Variants in IGHMBP2 observed in about 807,000 individuals in gnomAD.
IGHMBP2 encodes the protein DNA-binding protein SMUBP-2.
Under a neutral mutation model 96.0 loss-of-function variants are expected in IGHMBP2, and 81 were observed. That is an observed-to-expected ratio of 0.84 (90% CI 0.71 to 1.01). The LOEUF is 1.01. Ranked by LOEUF, IGHMBP2 falls within the 50% of genes least tolerant of loss-of-function variation. IGHMBP2 has a pLI of 0.00. For synonymous variants in IGHMBP2, 557 were observed against 548.9 expected (o/e 1.01, Z -0.21); for missense variants, 1,227 against 1,306.3 (o/e 0.94, Z 0.94).
At chr11:68,920,907 G>A (rs577488551) in intron 7 of IGHMBP2, among the ~76,000 whole-genome samples, 2 of 152,218 alleles carry the variant, frequency 1.3e-5, no homozygotes, top group African/African-American at 4.8e-5. Flanking sequence ...TCAGCTTCCC[G>A]AGTAGCTAGT....
chr11:68,917,890 G>C lies in IGHMBP2; in HGVS notation c.1060+7G>C. The C allele has an allele frequency of 1.9e-6, 3 of 1,613,744 alleles. No individual in the cohort carries two copies. The highest frequency in any genetic ancestry group is 2.5e-6 in the Non-Finnish European group (3 of 1,179,858). ...GTCCTTGCAACAAACACAGGTGAGGGGGCGTCTCCATCCTGCCTGTGTGGC... is the reference window on the plus strand; with the variant it reads ...GTCCTTGCAACAAACACAGGTGAGGCGGCGTCTCCATCCTGCCTGTGTGGC... On this transcript the variant is annotated splice_region_variant and intron_variant, in intron 7 of 14. Coordinates refer to ENST00000255078, the MANE Select transcript of IGHMBP2 (RefSeq NM_002180.3).
At chr11:68,925,746 A>AAG (rs1859041428) in intron 7 of IGHMBP2, among the ~76,000 whole-genome samples, 1 of 152,180 alleles carries the variant, frequency 6.6e-6, no homozygotes, top group Admixed American at 6.5e-5. Context: ...CTTGGTTGAC[A>AAG]GTCTTTCAGC....
chr11:68,905,066 G>C (rs1175527094), intron 1 of IGHMBP2, among the ~76,000 whole-genome samples: 1 of 152,306 alleles, frequency 6.6e-6, no homozygotes, highest in African/African-American at 2.4e-5. Flanking sequence ...AAAGTGTTGG[G>C]ATTACAGGCG....
At chr11:68,930,264 A>T (rs1859235128) in intron 8 of IGHMBP2, 1 of 1,282,418 alleles carries the variant, frequency 7.8e-7, no homozygotes, top group Admixed American at 2.3e-5. Context: ...GGGAAGATTG[A>T]TTTCTTCAGA....
intron 5 of IGHMBP2, among the ~76,000 whole-genome samples, chr11:68,913,823 G>T (rs1858541477): frequency 6.6e-6 from 1 of 152,168 alleles, no homozygotes; most frequent in Non-Finnish European, 1.5e-5. Context: ...GGGAGGCTGA[G>T]CCAGGAAGAT....
rs549052989 is a variant in IGHMBP2, at chr11:68,932,126, T to C, written c.1236-1173T>C. Among the ~76,000 whole-genome samples, 7 of 144,596 alleles carry C rather than the reference T, an allele frequency of 4.8e-5. No individual in the cohort carries two copies. In the East Asian group the frequency reaches 6.2e-4, roughly 13 times the overall value. The allele number at this position is 144,596 out of a possible 152,430, so 94.9% of individuals were successfully genotyped here. ...AGTAGGATGGTTTCGGGGGAAGACG[T>C]TGGGTGGCATTCCCTGGAGAGAGTA... On this transcript the variant is annotated intron_variant, in intron 8 of 14. Transcript: ENST00000255078.
At chr11:68,907,285 C>G (rs187953685) in intron 2 of IGHMBP2, among the ~76,000 whole-genome samples, 15 of 152,230 alleles carry the variant, frequency 9.9e-5, no homozygotes, top group African/African-American at 3.6e-4. Context: ...AAAAGAAAAA[C>G]TACATGTGAC....
chr11:68,921,891 G>A (rs1472722571), intron 7 of IGHMBP2, among the ~76,000 whole-genome samples: 2 of 152,172 alleles, frequency 1.3e-5, no homozygotes, highest in Non-Finnish European at 2.9e-5. Flanking sequence ...TTTTTGCTGC[G>A]TGAGAATTCT....
chr11:68,935,493 G>A, intron 12 of IGHMBP2, 71 bp downstream of exon 12: 2 of 1,576,288 alleles, frequency 1.3e-6, no homozygotes, highest in Non-Finnish European at 1.7e-6. Context: ...GGCATATTGG[G>A]TGTCTGCTGG....
In IGHMBP2 at chr11:68,933,326, C is replaced by T. The variant is rs749343954; in HGVS notation, c.1263C>T (p.Ser421=). The change falls in exon 9 of 15, where the codon AGC becomes AGT. Residue 421 remains serine, a synonymous_variant. Transcript: ENST00000255078. ...HKAALAGLSL[S]LMERLAEEYG... is the part of the protein sequence containing the mutation. Reference sequence around the variant, plus strand: ...CTGCGCTGGCAGGACTGTCACTCAGCCTGATGGAACGCCTGGCTGAGGAGT... The same window carrying T: ...CTGCGCTGGCAGGACTGTCACTCAGTCTGATGGAACGCCTGGCTGAGGAGT... The T allele has an allele frequency of 1.9e-6, 3 of 1,612,724 alleles. No individual in the cohort carries two copies. The highest frequency in any genetic ancestry group is 2.5e-6 in the Non-Finnish European group (3 of 1,179,852).
chr11:68,922,755 T>G (rs369995027), intron 7 of IGHMBP2, among the ~76,000 whole-genome samples: 1 of 152,330 alleles, frequency 6.6e-6, no homozygotes, highest in African/African-American at 2.4e-5. Flanking sequence ...AATGTTTAAG[T>G]GTACTATATA....
chr11:68,904,170 C>T, intron 1 of IGHMBP2, 132 bp downstream of exon 1: 1 of 763,838 alleles, frequency 1.3e-6, no homozygotes, highest in South Asian at 1.5e-5. Context: ...GGGCAGGGAT[C>T]GTCCGTCCCC....
chr11:68,935,745 C>T (rs1233917979), intron 12 of IGHMBP2, among the ~76,000 whole-genome samples: 2 of 152,184 alleles, frequency 1.3e-5, no homozygotes, highest in Non-Finnish European at 2.9e-5. Context: ...ATGCACGGAG[C>T]CGCGGGGTGT....
At chr11:68,938,042 A>C in intron 13 of IGHMBP2, 140 bp from the exon 14 acceptor site, 1 of 876,484 alleles carries the variant, frequency 1.1e-6, no homozygotes, top group East Asian at 2.4e-5. Flanking sequence ...GGCCGCAAGC[A>C]GTCCTCCTAC....
Position 68,908,155 on chromosome 11 carries a change from G to A in IGHMBP2, c.267G>A (p.Val89=). The A allele has an allele frequency of 6.2e-7, 1 of 1,613,674 alleles. No individual in the cohort carries two copies. Among genetic ancestry groups the A allele is most frequent in the South Asian group, 1.1e-5 (1 of 91,062 alleles). Residue 89 remains valine (V), a synonymous_variant, in exon 3 of 15, where the codon GTG becomes GTA. Coordinates refer to ENST00000255078, the MANE Select transcript of IGHMBP2 (RefSeq NM_002180.3). The part of the protein sequence containing the change: ...PSNSFTSGDI[V]GLYDAANEGS... Reference sequence around the variant, plus strand: ...TCTTTGTTTTTGCAGGTGATATCGTGGGCCTGTACGATGCTGCTAATGAGG... The same window carrying A: ...TCTTTGTTTTTGCAGGTGATATCGTAGGCCTGTACGATGCTGCTAATGAGG...
At chr11:68,914,673 G>A in intron 5 of IGHMBP2, 150 bp from the exon 6 acceptor site, 1 of 839,516 alleles carries the variant, frequency 1.2e-6, no homozygotes. Flanking sequence ...ATCACACGTG[G>A]GCTTGGAAAA....
At position 68,940,502 on chromosome 11, in the gene IGHMBP2, CT is replaced by C. The variant is rs1260933673; in HGVS notation, c.*773del. On this transcript the variant is annotated 3_prime_UTR_variant, in exon 15 of 15. Coordinates refer to ENST00000255078, the MANE Select transcript of IGHMBP2 (RefSeq NM_002180.3). The stretch of plus-strand genomic sequence containing the variant: ...CCTTCTCCGGTGTCCTGTACCAACT[CT>C]TCTATTTAAGAGAACCTCAGATGAT... 2.6e-5 allele frequency: 4 copies of C among 152,194 alleles called. No individual in the cohort carries two copies. Among genetic ancestry groups the C allele is most frequent in the African/African-American group, 7.2e-5 (3 of 41,444 alleles). 9.4% of individuals were successfully genotyped at this position (152,194 alleles called of 1,614,324 possible).
chr11:68,929,520 G>A (rs527329305), intron 8 of IGHMBP2, among the ~76,000 whole-genome samples, 163 bp downstream of exon 8: 4 of 152,282 alleles, frequency 2.6e-5, no homozygotes, highest in Non-Finnish European at 5.9e-5. Flanking sequence ...TCTCAACGTC[G>A]CATCTGTGAG....
At chr11:68,905,955 T>C in intron 1 of IGHMBP2, 114 bp from the exon 2 acceptor site, 1 of 1,068,366 alleles carries the variant, frequency 9.4e-7, no homozygotes. Context: ...TTGGGACATA[T>C]TTAGTGCCTG....
Sources: gnomAD v4.1 joint callset for allele counts (sites outside exome capture counted in the v4.1 genomes callset) on GRCh38, gnomAD v4.1.1 for gene constraint, MANE v1.5 for transcripts, NCBI Gene and HGNC (gene_info 2026-07-23, HGNC 2026-07-21) for gene names.